Variants in CDH4 observed in about 807,000 individuals in gnomAD.
The protein encoded by CDH4 is cadherin-4.
In CDH4, 33 loss-of-function variants were observed where a neutral mutation model predicts 86.0. The observed-to-expected ratio is 0.38, with a 90% CI of 0.29 to 0.51. The LOEUF is 0.51. Among genes scored for constraint, CDH4 ranks in the 20% least tolerant of loss-of-function variants. The probability of loss-of-function intolerance (pLI) is 0.86; values close to 1 mark genes in which losing one functional copy is unlikely to be tolerated. For missense variants in CDH4, 1,114 were observed against 1,307.4 expected (o/e 0.85, Z 2.28); for synonymous variants, 555 against 549.4 (o/e 1.01, Z -0.14).
intron 2 of CDH4, among the ~76,000 whole-genome samples, chr20:61,473,852 C>T (rs1010438821): frequency 6.6e-6 from 1 of 152,054 alleles, no homozygotes. Flanking sequence ...CACTCACATA[C>T]CCCTCCTCTT....
intron 2 of CDH4, among the ~76,000 whole-genome samples, chr20:61,682,435 GA>G (rs1368709648): frequency 6.9e-6 from 1 of 144,006 alleles, no homozygotes; most frequent in African/African-American, 2.6e-5. Context: ...TGGATGGATG[GA>G]GGGGTGGGAG....
rs559442219 is a variant in CDH4 at position 61,854,008 on chromosome 20, G to C, written c.877+1110G>C. On this transcript the variant is annotated intron_variant, in intron 6 of 15. Transcript: ENST00000614565. Reference sequence around the variant, plus strand: ...TGTGGCCTAAGCACCATTTAGGACGGACTTACACTAAGAGAGTAATCCTTG... The same window carrying C: ...TGTGGCCTAAGCACCATTTAGGACGCACTTACACTAAGAGAGTAATCCTTG... 5.3e-5 allele frequency among the ~76,000 whole-genome samples: 8 copies of C among 152,304 alleles called. No individual in the cohort carries two copies. The East Asian group carries it at 1.5e-3, about 29-fold the overall frequency.
chr20:61,759,603 T>TG (rs768497953), intron 3 of CDH4, among the ~76,000 whole-genome samples: 44 of 152,234 alleles, frequency 2.9e-4, no homozygotes, highest in Non-Finnish European at 5.1e-4. Context: ...GTTCCACCAC[T>TG]AATGACTCTG....
At chr20:61,855,959 C>T (rs1320098805) in intron 6 of CDH4, among the ~76,000 whole-genome samples, 1 of 152,202 alleles carries the variant, frequency 6.6e-6, no homozygotes, top group African/African-American at 2.4e-5. Flanking sequence ...CAGGACGGAG[C>T]TGGAGGTGCC....
At chr20:61,440,720 T>C (rs62200870) in intron 2 of CDH4, among the ~76,000 whole-genome samples, 25,530 of 152,160 alleles carry the variant, frequency 0.17, 2,237 homozygotes, top group Non-Finnish European at 0.18. Context: ...CCTGCTTTCT[T>C]CTCGGCCCGT....
intron 2 of CDH4, among the ~76,000 whole-genome samples, chr20:61,504,939 G>T (rs911698692): frequency 3.9e-5 from 6 of 152,308 alleles, no homozygotes; most frequent in African/African-American, 1.2e-4. Context: ...GAAAATAAAA[G>T]ATGAAACAGC....
At chr20:61,770,441 C>T (rs1399267082) in intron 3 of CDH4, among the ~76,000 whole-genome samples, 1 of 152,248 alleles carries the variant, frequency 6.6e-6, no homozygotes, top group Non-Finnish European at 1.5e-5. Flanking sequence ...ATAAAATGAG[C>T]ATCAACCACG....
intron 2 of CDH4, among the ~76,000 whole-genome samples, chr20:61,469,147 G>T (rs1451733766): frequency 6.6e-6 from 1 of 152,136 alleles, no homozygotes; most frequent in Non-Finnish European, 1.5e-5. Flanking sequence ...CATAGTGGGT[G>T]TACTAATTTA....
In CDH4 at chr20:61,714,293, G is replaced by A. The variant is rs927024167; in HGVS notation, c.170-29270G>A. 1.1e-4 allele frequency among the ~76,000 whole-genome samples: 17 copies of A among 152,110 alleles called. 1 individual carries two copies. Among genetic ancestry groups the A allele is most frequent in the Admixed American group, 7.2e-4 (11 of 15,288 alleles). ...CATCTCCTGACCTCATGATCCGCCC[G>A]CCTCAGCTTCCCAAAGTGCTGGGAT... On this transcript the variant is annotated intron_variant, in intron 2 of 15. Transcript: ENST00000614565.
intron 2 of CDH4, among the ~76,000 whole-genome samples, chr20:61,285,072 GT>G (rs776837492): frequency 3.5e-4 from 53 of 150,650 alleles, no homozygotes; most frequent in African/African-American, 9.1e-4. Flanking sequence ...AGCCTTTCCT[GT>G]TTTTTTTTTT....
intron 2 of CDH4, among the ~76,000 whole-genome samples, chr20:61,586,043 GA>G (rs1197668112): frequency 1.4e-5 from 2 of 142,544 alleles, no homozygotes; most frequent in Non-Finnish European, 3.1e-5. Context: ...ATGTGGTGAT[GA>G]GGAGGATGAT....
chr20:61,888,042 G>T (rs1984626081), intron 7 of CDH4, among the ~76,000 whole-genome samples: 2 of 152,190 alleles, frequency 1.3e-5, no homozygotes, highest in South Asian at 4.1e-4. Context: ...GATTTGTAAA[G>T]AACAAGAGAA....
chr20:61,632,938 C>T (rs889580293), intron 2 of CDH4, among the ~76,000 whole-genome samples: 4 of 148,526 alleles, frequency 2.7e-5, no homozygotes, highest in Non-Finnish European at 4.5e-5. Flanking sequence ...GTCTCTCTAT[C>T]CATCTTCTTA....
chr20:61,706,852 G>A (rs565849422), intron 2 of CDH4, among the ~76,000 whole-genome samples: 5 of 152,180 alleles, frequency 3.3e-5, no homozygotes, highest in African/African-American at 9.7e-5. Context: ...CACATTAGCC[G>A]CATGACCCTC....
At chr20:61,551,865 A>C (rs2086133014) in intron 2 of CDH4, among the ~76,000 whole-genome samples, 1 of 152,240 alleles carries the variant, frequency 6.6e-6, no homozygotes, top group Non-Finnish European at 1.5e-5. Flanking sequence ...AAAGGTGCCA[A>C]AACCATTCAA....
At chr20:61,889,312 GGA>G (rs1313202999) in intron 7 of CDH4, among the ~76,000 whole-genome samples, 1 of 150,292 alleles carries the variant, frequency 6.7e-6, no homozygotes, top group East Asian at 2.0e-4. Context: ...ATGGATGGAT[GGA>G]TGGATGGATG....
chr20:61,891,291 G>A (rs1398102948), intron 7 of CDH4, among the ~76,000 whole-genome samples: 1 of 152,194 alleles, frequency 6.6e-6, no homozygotes, highest in African/African-American at 2.4e-5. Flanking sequence ...ACACAGTCGT[G>A]TCCCATTTTA....
rs965020172 is a variant in CDH4, at chr20:61,544,866, G to A, written c.170-198697G>A. 1.3e-5 allele frequency among the ~76,000 whole-genome samples: 2 copies of A among 152,156 alleles called. No homozygotes were observed. Among genetic ancestry groups the A allele is most frequent in the East Asian group, 3.9e-4 (2 of 5,178 alleles). ...TGAGCTTTTAATTGAGGGGAGGGGG[G>A]ATGCACTAGGGGGTCTTGGAACTTG... On this transcript the variant is annotated intron_variant, in intron 2 of 15. Coordinates refer to ENST00000614565, the MANE Select transcript of CDH4 (RefSeq NM_001794.5). This position sits in a 1 kb window ranked among gnomAD's most constrained non-coding sequence, Gnocchi z 6.5.
intron 2 of CDH4, among the ~76,000 whole-genome samples, chr20:61,364,264 C>T (rs28390369): frequency 0.034 from 5,253 of 152,306 alleles, 113 homozygotes; most frequent in African/African-American, 0.057. Context: ...AGGGAACCCA[C>T]ATGGAAGCTG....
Sources: gnomAD v4.1 joint callset for allele counts (sites outside exome capture counted in the v4.1 genomes callset) on GRCh38, gnomAD v4.1.1 for gene constraint, Gnocchi (gnomAD v3.1) non-coding constraint, MANE v1.5 for transcripts, NCBI Gene and HGNC (gene_info 2026-07-23, HGNC 2026-07-21) for gene names.